ICE2: variants seen among roughly 807,000 people sequenced by gnomAD.
ICE2 encodes the protein interactor of little elongation complex ELL subunit 2, also known as little elongation complex subunit 2.
Under a neutral mutation model 105.4 loss-of-function variants are expected in ICE2, and 87 were observed. The ratio of observed to expected loss-of-function variants is 0.83; its 90% CI spans 0.69 to 0.99. ICE2 has a LOEUF of 0.99. Ranked by LOEUF, ICE2 falls within the 50% of genes least tolerant of loss-of-function variation. The pLI is 0.00. For synonymous variants in ICE2, 399 were observed against 392.0 expected, an observed-to-expected ratio of 1.02 and a Z score of -0.21; for missense variants, 1,323 against 1,146.7, an observed-to-expected ratio of 1.15 and a Z score of -2.22.
intron 3 of ICE2, among the ~76,000 whole-genome samples, chr15:60,469,109 A>G (rs1175563319): frequency 6.6e-6 from 1 of 152,212 alleles, no homozygotes; most frequent in Non-Finnish European, 1.5e-5. Flanking sequence ...ATGGAATACT[A>G]TGCAGCCATA....
At chr15:60,454,223 T>C (rs1262133313) in intron 8 of ICE2, among the ~76,000 whole-genome samples, 1 of 152,194 alleles carries the variant, frequency 6.6e-6, no homozygotes, top group Non-Finnish European at 1.5e-5. Flanking sequence ...AAAAATTAAA[T>C]ATCAAAACAG....
rs141191557 is a variant in ICE2, at chr15:60,429,055, G to C, written c.2562-368C>G. 3.4e-3 allele frequency among the ~76,000 whole-genome samples: 522 copies of C among 152,126 alleles called. 1 individual carries two copies. Among genetic ancestry groups the C allele is most frequent in the African/African-American group, 0.012 (487 of 41,478 alleles). On this transcript the variant is annotated intron_variant, in intron 14 of 15. Transcript: ENST00000261520. ...ACAGCATTTTCATTCATTTAACACT[G>C]CAACTATTTTGTACCTAATAATAGA...
intron 11 of ICE2, chr15:60,445,882 A>C: frequency 1.8e-6 from 1 of 548,942 alleles, no homozygotes; most frequent in Non-Finnish European, 2.3e-6. Flanking sequence ...AGATAGCAAG[A>C]ATCAAAGAAA....
chr15:60,468,607 A>G (rs2064496529), intron 3 of ICE2, among the ~76,000 whole-genome samples: 1 of 152,188 alleles, frequency 6.6e-6, no homozygotes, highest in African/African-American at 2.4e-5. Context: ...TAAAGAGGGG[A>G]AAATCGTTCT....
chr15:60,468,890 C>G (rs1159776466), intron 3 of ICE2, among the ~76,000 whole-genome samples: 1 of 152,178 alleles, frequency 6.6e-6, no homozygotes, highest in Non-Finnish European at 1.5e-5. Context: ...GTACAATCCT[C>G]TATCACTCTG....
At chr15:60,425,414 T>C (rs2063319370) in intron 15 of ICE2, among the ~76,000 whole-genome samples, 1 of 152,226 alleles carries the variant, frequency 6.6e-6, no homozygotes, top group South Asian at 2.1e-4. Flanking sequence ...ACTGCAAGAC[T>C]GTGTGTGTCT....
At chr15:60,477,222 T>C (rs2064786375) in intron 2 of ICE2, among the ~76,000 whole-genome samples, 1 of 152,212 alleles carries the variant, frequency 6.6e-6, no homozygotes, top group South Asian at 2.1e-4. Context: ...TCTCAATAAA[T>C]TCTTAAGTTT....
intron 13 of ICE2, among the ~76,000 whole-genome samples, chr15:60,433,481 T>C (rs1043599392): frequency 2.0e-5 from 3 of 151,954 alleles, no homozygotes; most frequent in African/African-American, 4.8e-5. Context: ...TCTCTCTCTC[T>C]CCCTCCCTCT....
intron 5 of ICE2, 140 bp from the exon 6 acceptor site, chr15:60,456,934 T>C (rs552923821): frequency 4.0e-5 from 14 of 353,938 alleles, no homozygotes; most frequent in Admixed American, 3.8e-4. Flanking sequence ...ATACACACAT[T>C]GTATATTCTT....
At position 60,468,139 on chromosome 15, in the gene ICE2, G is replaced by T. The variant is rs1331147608; in HGVS notation, c.330C>A (p.Asp110Glu). The change falls in exon 4 of 16, where the codon GAC (aspartate) becomes GAA (glutamate). Residue 110 changes from aspartate to glutamate, a missense_variant. Transcript: ENST00000261520. ...FSQREQRSYV[D>E]LLVKYAKIPA... ...GAATCTTTGCGTATTTAACCAACAA[G>T]TCCACATAACTCCTCTGCTCTCTCT... is the stretch of plus-strand genomic sequence containing the variant. 1 of 1,613,974 alleles carries T rather than the reference G, an allele frequency of 6.2e-7. No individual in the cohort carries two copies. Among genetic ancestry groups the T allele is most frequent in the Admixed American group, 1.7e-5 (1 of 60,010 alleles).
intron 5 of ICE2, among the ~76,000 whole-genome samples, chr15:60,458,474 A>C (rs1423552293): frequency 6.6e-6 from 1 of 152,174 alleles, no homozygotes; most frequent in Non-Finnish European, 1.5e-5. Flanking sequence ...AAAAACCATA[A>C]ATCAACACAT....
At chr15:60,429,843 A>G (rs2063417555) in intron 14 of ICE2, among the ~76,000 whole-genome samples, 2 of 152,198 alleles carry the variant, frequency 1.3e-5, no homozygotes, top group South Asian at 4.1e-4. Flanking sequence ...AGTTTTAATC[A>G]ATGAAAATCA....
rs750969435 is a variant in ICE2 at position 60,449,123 on chromosome 15, A to C, written c.1844T>G (p.Val615Gly). The C allele has an allele frequency of 6.8e-6, 11 of 1,614,012 alleles. No homozygotes were observed. In the Admixed American group the frequency reaches 1.8e-4, roughly 27 times the overall value. Reference sequence around the variant, plus strand: ...ACAAGCAGTATTAGTCTGGTTTCCTACAGAAGCCTGTCCTGAGGAAGAATT... The same window carrying C: ...ACAAGCAGTATTAGTCTGGTTTCCTCCAGAAGCCTGTCCTGAGGAAGAATT... ...SPNSSSGQAS[V>G]GNQTNTACSP... The change falls in exon 10 of 16, where the codon GTA becomes GGA. Residue 615 changes from valine (V) to glycine (G), a missense_variant. Val to Gly is a moderately radical substitution (Grantham distance 109). Transcript: ENST00000261520.
intron 12 of ICE2, chr15:60,442,119 C>T (rs12906286): frequency 0.032 from 7,188 of 227,670 alleles, 169 homozygotes; most frequent in Middle Eastern, 0.051. Context: ...TATAATGAGA[C>T]CCCATCTCAA....
chr15:60,423,483 T>C lies in ICE2; in HGVS notation c.*151A>G. On this transcript the variant is annotated 3_prime_UTR_variant, in exon 16 of 16. Coordinates refer to ENST00000261520, the MANE Select transcript of ICE2 (RefSeq NM_024611.6). ...ATACCATTCCATTTTAGTTGAAATA[T>C]TCCTTCACATAGCCAACACATTTTT... 1 of 582,914 alleles carries C rather than the reference T, an allele frequency of 1.7e-6. No individual in the cohort carries two copies. The highest frequency in any genetic ancestry group is 2.9e-6 in the Non-Finnish European group (1 of 350,492). 36.1% of individuals were successfully genotyped at this position (582,914 alleles called of 1,614,324 possible). A position where few individuals can be genotyped will look rare whatever the true frequency, so the allele number is the denominator to read the frequency against.
Position 60,453,073 on chromosome 15 carries a change from C to T in ICE2, c.1125+530G>A, listed in dbSNP as rs549988123. ...TGGCGAAATCTCATCTCTACTAAAA[C>T]TACAAAAAATTAGCTGGGTATGGTG... On this transcript the variant is annotated intron_variant, in intron 9 of 15. Transcript: ENST00000261520. The T allele has an allele frequency of 1.2e-4, 81 of 683,106 alleles. 1 individual carries two copies. In the African/African-American group the frequency reaches 1.6e-3, roughly 13 times the overall value. 42.3% of individuals were successfully genotyped at this position (683,106 alleles called of 1,614,324 possible).
intron 7 of ICE2, 77 bp from the exon 8 acceptor site, chr15:60,455,239 A>G: frequency 6.6e-7 from 1 of 1,520,518 alleles, no homozygotes; most frequent in Non-Finnish European, 8.9e-7. Context: ...AAAAGTCAGA[A>G]AGGGGACTTT....
rs1467743828 is a variant in ICE2 at position 60,477,815 on chromosome 15, G to A, written c.41+122C>T. The A allele has an allele frequency of 5.8e-6, 5 of 854,882 alleles. 1 individual carries two copies. The highest frequency in any genetic ancestry group is 3.3e-5 in the African/African-American group (2 of 60,162). The allele number at this position is 854,882 out of a possible 1,614,324, so 53.0% of individuals were successfully genotyped here. ...AAGATGAGGATAGGGTAAATTCTGA[G>A]ACCCTAAACTTGTATTTTCTGTTTC... On this transcript the variant is annotated intron_variant, in intron 2 of 15. Transcript: ENST00000261520.
intron 12 of ICE2, chr15:60,441,734 A>G (rs1052447165): frequency 6.6e-6 from 1 of 152,184 alleles, no homozygotes; most frequent in Non-Finnish European, 1.5e-5. Flanking sequence ...ACCAATAATG[A>G]CTAGCAAGTA....
Sources: gnomAD v4.1 joint callset for allele counts (sites outside exome capture counted in the v4.1 genomes callset) on GRCh38, gnomAD v4.1.1 for gene constraint, MANE v1.5 for transcripts, NCBI Gene and HGNC (gene_info 2026-07-23, HGNC 2026-07-21) for gene names.